Variants in KIAA0825 observed in about 807,000 individuals in gnomAD.
KIAA0825 encodes the protein KIAA0825.
A neutral mutation model predicts 147.6 loss-of-function variants in KIAA0825; 119 were observed. That is an observed-to-expected ratio of 0.81 (90% CI 0.69 to 0.94). The LOEUF is 0.94. KIAA0825 is among the 40% of genes least tolerant of loss of function. The pLI, the probability that KIAA0825 is intolerant of heterozygous loss-of-function variation, is 0.00. For missense variants in KIAA0825, 1,381 were observed against 1,472.7 expected (o/e 0.94, Z 1.02); for synonymous variants, 470 against 518.1 (o/e 0.91, Z 1.26).
At chr5:94,396,028 T>C in intron 17 of KIAA0825, 73 bp downstream of exon 17, 1 of 1,329,368 alleles carries the variant, frequency 7.5e-7, no homozygotes, top group Non-Finnish European at 9.9e-7. Flanking sequence ...TGACAATATA[T>C]TGTCATTTAT....
intron 5 of KIAA0825, 117 bp downstream of exon 5, chr5:94,520,131 T>C (rs944916711): frequency 7.1e-6 from 9 of 1,262,932 alleles, no homozygotes; most frequent in Non-Finnish European, 8.2e-6. Flanking sequence ...TTTCATTACA[T>C]TCATTTTCTA....
At chr5:94,369,247 G>A (rs1195261293) in intron 20 of KIAA0825, among the ~76,000 whole-genome samples, 1 of 152,140 alleles carries the variant, frequency 6.6e-6, no homozygotes, top group Non-Finnish European at 1.5e-5. Context: ...TAAGGCTAGA[G>A]ATACGGATTC....
At chr5:94,345,869 C>T (rs1300955898) in intron 20 of KIAA0825, among the ~76,000 whole-genome samples, 3 of 152,052 alleles carry the variant, frequency 2.0e-5, no homozygotes, top group African/African-American at 4.8e-5. Flanking sequence ...GCTTACACCT[C>T]TAAGGGGGTC....
Position 94,401,770 on chromosome 5 carries a change from G to A in KIAA0825, c.2887+1799C>T, listed in dbSNP as rs576758765. On this transcript the variant is annotated intron_variant, in intron 16 of 20. Transcript: ENST00000682413. The stretch of plus-strand genomic sequence containing the variant: ...AGTTATACTAGTCTCCTGGCACCAG[G>A]AGGAGATACTGTACTTAGGTTTATC... 2.6e-5 allele frequency among the ~76,000 whole-genome samples: 4 copies of A among 152,230 alleles called. No individual in the cohort carries two copies. In the East Asian group the frequency reaches 7.7e-4, roughly 29 times the overall value.
chr5:94,452,898 T>C, intron 13 of KIAA0825, 61 bp downstream of exon 13: 1 of 911,490 alleles, frequency 1.1e-6, no homozygotes, highest in Non-Finnish European at 1.6e-6. Flanking sequence ...GATAAAAATT[T>C]CTATTAAATT....
At chr5:94,319,203 C>T (rs184003193) in intron 20 of KIAA0825, among the ~76,000 whole-genome samples, 9 of 151,954 alleles carry the variant, frequency 5.9e-5, no homozygotes, top group Admixed American at 3.3e-4. Context: ...CCCTGAGAGC[C>T]TCACTTGGCT....
intron 3 of KIAA0825, among the ~76,000 whole-genome samples, chr5:94,536,558 A>G (rs1212811548): frequency 6.6e-6 from 1 of 152,250 alleles, no homozygotes; most frequent in African/African-American, 2.4e-5. Flanking sequence ...CTAATCTAGC[A>G]TAACAACTCT....
At chr5:94,613,913 A>G (rs766604022) in intron 1 of KIAA0825, among the ~76,000 whole-genome samples, 12 of 152,246 alleles carry the variant, frequency 7.9e-5, no homozygotes, top group Admixed American at 3.3e-4. Flanking sequence ...TAAAAATTTG[A>G]TTAATATGGC....
At chr5:94,475,050 C>T (rs1024163122) in intron 7 of KIAA0825, among the ~76,000 whole-genome samples, 19 of 151,266 alleles carry the variant, frequency 1.3e-4, no homozygotes, top group Non-Finnish European at 2.1e-4. Context: ...GATGGCACCA[C>T]TGCACTCCAG....
At chr5:94,597,998 G>T (rs1293428388) in intron 1 of KIAA0825, among the ~76,000 whole-genome samples, 1 of 152,120 alleles carries the variant, frequency 6.6e-6, no homozygotes, top group Non-Finnish European at 1.5e-5. Flanking sequence ...GAGTGAATGT[G>T]AAGGCCTAGG....
At chr5:94,416,777 T>TA (rs1218385972) in intron 15 of KIAA0825, 3 of 168,668 alleles carry the variant, frequency 1.8e-5, no homozygotes, top group Non-Finnish European at 2.6e-5. Context: ...GTCATAATAA[T>TA]AAATGCCTTA....
At chr5:94,409,295 C>G (rs1280561077) in intron 15 of KIAA0825, among the ~76,000 whole-genome samples, 2 of 152,116 alleles carry the variant, frequency 1.3e-5, no homozygotes, top group African/African-American at 4.8e-5. Context: ...GCCATGAAAG[C>G]TAGAAAATAG....
intron 20 of KIAA0825, among the ~76,000 whole-genome samples, chr5:94,320,591 T>C (rs1271506941): frequency 6.6e-6 from 1 of 151,820 alleles, no homozygotes; most frequent in African/African-American, 2.4e-5. Flanking sequence ...TATTCACTGG[T>C]TTATTGTCTG....
chr5:94,334,824 A>G (rs942362333), intron 20 of KIAA0825, among the ~76,000 whole-genome samples: 1 of 152,146 alleles, frequency 6.6e-6, no homozygotes, highest in Non-Finnish European at 1.5e-5. Flanking sequence ...ATGGTAATGG[A>G]AAGTCACTCT....
intron 20 of KIAA0825, among the ~76,000 whole-genome samples, chr5:94,248,186 T>C (rs948205537): frequency 3.9e-5 from 6 of 152,112 alleles, no homozygotes; most frequent in Non-Finnish European, 7.4e-5. Context: ...TACTTGACAA[T>C]GATTACTTAG....
chr5:94,527,688 A>C (rs1051384019), intron 3 of KIAA0825, among the ~76,000 whole-genome samples: 2 of 152,072 alleles, frequency 1.3e-5, no homozygotes, highest in African/African-American at 4.8e-5. Flanking sequence ...AGTCTTTTCA[A>C]TTGTTACACT....
At chr5:94,288,879 C>G (rs1023150484) in intron 20 of KIAA0825, among the ~76,000 whole-genome samples, 6 of 152,126 alleles carry the variant, frequency 3.9e-5, no homozygotes, top group Non-Finnish European at 8.8e-5. Context: ...ACAATTCTAT[C>G]AGCCACTTAA....
At chr5:94,429,580 C>G (rs1755382886) in intron 14 of KIAA0825, among the ~76,000 whole-genome samples, 1 of 152,132 alleles carries the variant, frequency 6.6e-6, no homozygotes. Flanking sequence ...ATAGTTGATC[C>G]TTGTTTACTA....
At chr5:94,276,857 A>G (rs190383543) in intron 20 of KIAA0825, among the ~76,000 whole-genome samples, 1 of 152,194 alleles carries the variant, frequency 6.6e-6, no homozygotes, top group East Asian at 1.9e-4. Context: ...GAGGAGTTAG[A>G]AAAACCAGCC....
Sources: gnomAD v4.1 joint callset for allele counts (sites outside exome capture counted in the v4.1 genomes callset) on GRCh38, gnomAD v4.1.1 for gene constraint, MANE v1.5 for transcripts, NCBI Gene and HGNC (gene_info 2026-07-23, HGNC 2026-07-21) for gene names.